SLC25A21: variants seen among roughly 807,000 people sequenced by gnomAD.
SLC25A21 encodes the protein solute carrier family 25 member 21.
A neutral mutation model predicts 43.8 loss-of-function variants in SLC25A21; 47 were observed. That is an observed-to-expected ratio of 1.07 (90% CI 0.85 to 1.37). The LOEUF is 1.37. Ranked by LOEUF, SLC25A21 falls within the 40% of genes most tolerant of loss-of-function variation. The pLI is 0.00. For synonymous variants in SLC25A21, 131 were observed against 121.3 expected (o/e 1.08, Z -0.52); for missense variants, 352 against 350.2 (o/e 1.00, Z -0.04).
chr14:36,933,277 C>T (rs1057177818), intron 1 of SLC25A21, among the ~76,000 whole-genome samples: 7 of 152,056 alleles, frequency 4.6e-5, no homozygotes, highest in Non-Finnish European at 7.4e-5. Context: ...TGAGCTGACC[C>T]TTCTTGGATT....
At chr14:37,119,536 G>A (rs973953127) in intron 1 of SLC25A21, among the ~76,000 whole-genome samples, 3 of 149,392 alleles carry the variant, frequency 2.0e-5, no homozygotes, top group South Asian at 2.1e-4. Flanking sequence ...CAGCCTAGGC[G>A]ACAGAGTGAG....
chr14:37,036,199 T>A (rs2138775872), intron 1 of SLC25A21, among the ~76,000 whole-genome samples: 1 of 152,232 alleles, frequency 6.6e-6, no homozygotes, highest in African/African-American at 2.4e-5. Context: ...GCCAGAGATT[T>A]TTTTTTCCTT....
chr14:36,877,658 C>T (rs1005186190), intron 1 of SLC25A21, among the ~76,000 whole-genome samples: 13 of 151,952 alleles, frequency 8.6e-5, no homozygotes, highest in African/African-American at 3.1e-4. Context: ...AGCATGGGAG[C>T]AGGTGAGGGG....
At chr14:36,716,445 T>C (rs1884139397) in intron 6 of SLC25A21, among the ~76,000 whole-genome samples, 2 of 152,216 alleles carry the variant, frequency 1.3e-5, no homozygotes, top group Non-Finnish European at 2.9e-5. Context: ...CTATGTGAGA[T>C]GATACATATG....
At chr14:37,058,745 A>G (rs1300045060) in intron 1 of SLC25A21, among the ~76,000 whole-genome samples, 1 of 152,196 alleles carries the variant, frequency 6.6e-6, no homozygotes, top group Non-Finnish European at 1.5e-5. Flanking sequence ...GATGGCCTAT[A>G]ACATTTGTGA....
intron 1 of SLC25A21, among the ~76,000 whole-genome samples, chr14:37,156,735 T>G (rs1963857639): frequency 6.6e-6 from 1 of 151,420 alleles, no homozygotes; most frequent in African/African-American, 2.5e-5. Flanking sequence ...GATATAACAA[T>G]TCTAAATATA....
chr14:37,057,280 C>G (rs1961851041), intron 1 of SLC25A21, among the ~76,000 whole-genome samples: 1 of 152,144 alleles, frequency 6.6e-6, no homozygotes, highest in Non-Finnish European at 1.5e-5. Flanking sequence ...GATACAGTAA[C>G]AGTTGGAATC....
intron 1 of SLC25A21, among the ~76,000 whole-genome samples, chr14:36,959,190 G>A (rs537970341): frequency 6.6e-6 from 1 of 152,216 alleles, no homozygotes; most frequent in East Asian, 1.9e-4. Context: ...CTGACACACT[G>A]CTCCCTTCTC....
At chr14:36,862,454 T>G (rs1313860874) in intron 2 of SLC25A21, among the ~76,000 whole-genome samples, 1 of 152,216 alleles carries the variant, frequency 6.6e-6, no homozygotes, top group African/African-American at 2.4e-5. Context: ...TTCATGTCCT[T>G]TGCAGGGACA....
At chr14:36,779,500 C>A (rs1886963420) in intron 3 of SLC25A21, among the ~76,000 whole-genome samples, 1 of 136,544 alleles carries the variant, frequency 7.3e-6, no homozygotes, top group Non-Finnish European at 1.6e-5. Flanking sequence ...TAAACATATT[C>A]CTATATATAT....
Position 37,056,822 on chromosome 14 carries a change from T to A in SLC25A21, c.70+115459A>T, listed in dbSNP as rs558821455. 2.0e-5 allele frequency among the ~76,000 whole-genome samples: 3 copies of A among 152,320 alleles called. No homozygotes were observed. The East Asian group carries it at 5.8e-4, about 29-fold the overall frequency. On this transcript the variant is annotated intron_variant, in intron 1 of 9. Coordinates refer to ENST00000331299, the MANE Select transcript of SLC25A21 (RefSeq NM_030631.4). ...CCTTTCCAAAACATCAGGCTTTTCT[T>A]TCTCCCATACAGACTTCCAAAAATC... is the stretch of plus-strand genomic sequence containing the variant.
rs536312963 is a variant in SLC25A21, at chr14:37,062,591, C to T, written c.70+109690G>A. ...GCTCGCTGTTTGCACTCCAGGTCAACAAGTATTTGCAGGTGGCTATACACT... is the reference window on the plus strand; with the variant it reads ...GCTCGCTGTTTGCACTCCAGGTCAATAAGTATTTGCAGGTGGCTATACACT... On this transcript the variant is annotated intron_variant, in intron 1 of 9. Transcript: ENST00000331299. Among the ~76,000 whole-genome samples, 10 of 152,196 alleles carry T rather than the reference C, an allele frequency of 6.6e-5. No individual in the cohort carries two copies. The South Asian group carries it at 2.1e-3, about 32-fold the overall frequency.
chr14:36,936,114 G>A (rs375463864), intron 1 of SLC25A21, among the ~76,000 whole-genome samples: 16 of 152,210 alleles, frequency 1.1e-4, no homozygotes, highest in African/African-American at 3.6e-4. Context: ...AGACAGCACC[G>A]TGAAGGGAAA....
chr14:36,933,490 G>A (rs987086970), intron 1 of SLC25A21, among the ~76,000 whole-genome samples: 1 of 152,024 alleles, frequency 6.6e-6, no homozygotes, highest in East Asian at 1.9e-4. Flanking sequence ...AAATTTATTC[G>A]TTTGTTATCA....
chr14:36,883,372 C>T (rs1169462), intron 1 of SLC25A21, among the ~76,000 whole-genome samples: 122,251 of 152,106 alleles, frequency 0.8, 49,811 homozygotes, highest in Non-Finnish European at 0.87. Context: ...ACATCCTTCA[C>T]GTGGACCAAG....
intron 1 of SLC25A21, among the ~76,000 whole-genome samples, chr14:36,887,257 T>G (rs1486229478): frequency 6.6e-6 from 1 of 151,786 alleles, no homozygotes; most frequent in Non-Finnish European, 1.5e-5. Flanking sequence ...TTGTATTGTA[T>G]TTTGCTTATC....
In SLC25A21 at chr14:37,163,058, G is replaced by A. The variant is rs1347667306; in HGVS notation, c.70+9223C>T. On this transcript the variant is annotated intron_variant, in intron 1 of 9. Transcript: ENST00000331299. ...TCACAAGAACAAAAAACCAAACACC[G>A]CATATTCTCACTCATAGGTGGGAAT... Among the ~76,000 whole-genome samples, 30 of 150,392 alleles carry A rather than the reference G, an allele frequency of 2.0e-4. No individual in the cohort carries two copies. The South Asian group carries it at 4.6e-3, about 23-fold the overall frequency.
intron 1 of SLC25A21, among the ~76,000 whole-genome samples, chr14:36,949,645 T>C (rs2138659745): frequency 6.6e-6 from 1 of 152,308 alleles, no homozygotes; most frequent in Non-Finnish European, 1.5e-5. Flanking sequence ...TTTCCTTCGT[T>C]GAACAACTTT....
chr14:36,905,982 A>G (rs1303088741), intron 1 of SLC25A21, among the ~76,000 whole-genome samples: 1 of 152,192 alleles, frequency 6.6e-6, no homozygotes, highest in African/African-American at 2.4e-5. Flanking sequence ...GGCGATATGC[A>G]GAAGTCACCC....
Sources: gnomAD v4.1 joint callset for allele counts (sites outside exome capture counted in the v4.1 genomes callset) on GRCh38, gnomAD v4.1.1 for gene constraint, MANE v1.5 for transcripts, NCBI Gene and HGNC (gene_info 2026-07-23, HGNC 2026-07-21) for gene names.